The following LFNG variants were observed in gnomAD, a reference collection of about 807,000 sequenced individuals.
LFNG encodes the protein beta-1,3-N-acetylglucosaminyltransferase lunatic fringe.
In LFNG, 15 loss-of-function variants were observed where a neutral mutation model predicts 32.7. The ratio of observed to expected loss-of-function variants is 0.46; its 90% confidence interval spans 0.31 to 0.71. The LOEUF is 0.71. Among genes scored for constraint, LFNG ranks in the 30% least tolerant of loss-of-function variants. LFNG has a pLI of 0.06. For synonymous variants in LFNG, 274 were observed against 246.8 expected, an observed-to-expected ratio of 1.11 and a Z score of -1.03; for missense variants, 520 against 545.7, an observed-to-expected ratio of 0.95 and a Z score of 0.47.
chr7:2,520,489 T>C lies in LFNG; in HGVS notation c.432+196T>C, dbSNP rs1308729505. ...CTCTCCCGTTACAGTTGTGTTACTG[T>C]CCCCGGGGCCCCGCCTCCTGTCCAG... On this transcript the variant is annotated intron_variant, in intron 1 of 7. Transcript: ENST00000222725. This position sits in a 1 kb window ranked among gnomAD's most constrained non-coding sequence, Gnocchi z 5.0. Among the ~76,000 whole-genome samples the C allele has an allele frequency of 6.6e-6, 1 of 152,148 alleles. No individual in the cohort carries two copies. Among genetic ancestry groups the C allele is most frequent in the African/African-American group, 2.4e-5 (1 of 41,444 alleles).
chr7:2,527,122 C>T lies in LFNG; in HGVS notation c.1074-24C>T. The T allele has an allele frequency of 6.2e-7, 1 of 1,606,318 alleles. No individual in the cohort carries two copies. The highest frequency in any genetic ancestry group is 2.2e-5 in the East Asian group (1 of 44,846). The stretch of plus-strand genomic sequence containing the variant: ...AGCACCTGCCTGCCACCCACGCAGA[C>T]CAGCCCCTGCTCTGTTCCCACAGGT... On this transcript the variant is annotated intron_variant, in intron 7 of 7. Transcript: ENST00000222725. This position sits in a 1 kb window ranked among gnomAD's most constrained non-coding sequence, Gnocchi z 4.4.
upstream of LFNG, among the ~76,000 whole-genome samples, chr7:2,516,134 G>A (rs1779621800): frequency 6.6e-6 from 1 of 152,232 alleles, no homozygotes; most frequent in Admixed American, 6.5e-5. Flanking sequence ...TCTGTGTCAG[G>A]AGAGGACAGG....
upstream of LFNG, among the ~76,000 whole-genome samples, chr7:2,513,862 T>C (rs1433757948): frequency 6.6e-6 from 1 of 152,234 alleles, no homozygotes; most frequent in Non-Finnish European, 1.5e-5. Context: ...ATGGCCCAGC[T>C]GGCCTCAGAC....
chr7:2,526,275 A>G lies in LFNG; in HGVS notation c.853A>G (p.Ile285Val). The stretch of plus-strand genomic sequence containing the variant: ...TCACTTCATGAATACGGCTGAGCGG[A>G]TCCGGCTGCCTGATGACTGCACCAT... ...GGHFMNTAER[I>V]RLPDDCTIGY... The change falls in exon 6 of 8, where the codon ATC becomes GTC. Residue 285 changes from isoleucine (I) to valine (V), a missense_variant. Around this residue, in one of 3 missense-constraint regions of LFNG, gnomAD observed 150 missense variants for 159.9 expected, o/e 0.94. Transcript: ENST00000222725. The surrounding 1 kb of genome is among the most constrained non-coding windows in gnomAD (Gnocchi z 6.9). 6.2e-7 allele frequency: 1 copy of G among 1,612,916 alleles called. No individual in the cohort carries two copies. The highest frequency in any genetic ancestry group is 1.7e-4 in the Middle Eastern group (1 of 6,060).
At chr7:2,515,455 G>A (rs1423496939), upstream of LFNG, among the ~76,000 whole-genome samples, 1 of 152,170 alleles carries the variant, frequency 6.6e-6, no homozygotes, top group Non-Finnish European at 1.5e-5. Context: ...GGATGGGGAG[G>A]ACGTTCTAGG....
chr7:2,516,441 C>T (rs1294165707), upstream of LFNG, among the ~76,000 whole-genome samples: 1 of 152,232 alleles, frequency 6.6e-6, no homozygotes, highest in Admixed American at 6.5e-5. Flanking sequence ...CAGCCCCGAG[C>T]CCTTCCCCTC....
chr7:2,524,115 C>T (rs1039974870), intron 1 of LFNG, among the ~76,000 whole-genome samples: 12 of 152,228 alleles, frequency 7.9e-5, no homozygotes, highest in Admixed American at 4.6e-4. Flanking sequence ...ACAAAGCTGG[C>T]GGACAATGCC....
At chr7:2,522,189 C>T (rs1013363137) in intron 1 of LFNG, among the ~76,000 whole-genome samples, 16 of 152,174 alleles carry the variant, frequency 1.1e-4, no homozygotes, top group African/African-American at 3.6e-4. Flanking sequence ...ATCTGACCCA[C>T]ATGCTGGGGG....
Position 2,526,596 on chromosome 7 carries a change from GTCTCT to G in LFNG, c.987+195_987+199del, listed in dbSNP as rs144583095. Among the ~76,000 whole-genome samples the G allele has an allele frequency of 7.0e-4, 107 of 152,236 alleles. No homozygotes were observed. The highest frequency in any genetic ancestry group is 2.5e-3 in the African/African-American group (103 of 41,522). On this transcript the variant is annotated intron_variant, in intron 6 of 7. Coordinates refer to ENST00000222725, the MANE Select transcript of LFNG (RefSeq NM_001040167.2). This position sits in a 1 kb window ranked among gnomAD's most constrained non-coding sequence, Gnocchi z 6.9. ...GTTTATGGCGGGTTGTTTTCCTGCCGTCTCTTCTCTTCACTGTGATGCGCCTACTG... is the reference window on the plus strand; with the variant it reads ...GTTTATGGCGGGTTGTTTTCCTGCCGTCTCTTCACTGTGATGCGCCTACTG...
At chr7:2,512,653 G>A (rs1779522247) in exon 1 of LFNG, 1 of 1,613,758 alleles carries the variant, frequency 6.2e-7, no homozygotes, top group East Asian at 2.2e-5. Context: ...AAGCTCAGAG[G>A]GATGGATGAA....
At chr7:2,513,087 C>T (rs1779530212), upstream of LFNG, 5 of 1,504,948 alleles carry the variant, frequency 3.3e-6, no homozygotes, top group Admixed American at 6.8e-5. Context: ...CTCGTCTGGG[C>T]CCTGGGCACC....
Position 2,519,819 on chromosome 7 carries a change from C to G in LFNG, c.-43C>G, listed in dbSNP as rs1220466975. The G allele has an allele frequency of 6.7e-6, 7 of 1,048,952 alleles. 1 individual carries two copies. The highest frequency in any genetic ancestry group is 5.1e-5 in the African/African-American group (3 of 58,292). 65.0% of individuals were successfully genotyped at this position (1,048,952 alleles called of 1,614,324 possible). On this transcript the variant is annotated 5_prime_UTR_variant, in exon 1 of 8. Coordinates refer to ENST00000222725, the MANE Select transcript of LFNG (RefSeq NM_001040167.2). ...CGACGGGCTTCGGGTCGGTGCAAGG[C>G]AGGCGCACGGGGAAGGGCGCGCCGC...
intron 2 of LFNG, 148 bp downstream of exon 2, chr7:2,524,891 C>T (rs901219973): frequency 1.3e-5 from 10 of 742,194 alleles, no homozygotes; most frequent in South Asian, 3.4e-5. Flanking sequence ...CTCCATGCCC[C>T]GCCCCACCAC....
chr7:2,512,681 G>A, exon 1 of LFNG: 1 of 1,613,786 alleles, frequency 6.2e-7, no homozygotes, highest in East Asian at 2.2e-5. Context: ...GAAGGCTCAG[G>A]CTGGACACGT....
upstream of LFNG, among the ~76,000 whole-genome samples, chr7:2,515,842 C>T (rs1779615284): frequency 6.6e-6 from 1 of 152,226 alleles, no homozygotes; most frequent in South Asian, 2.1e-4. Context: ...CTGGAGTCTG[C>T]TAGTCTCAGG....
chr7:2,529,034 C>T (rs953463129), downstream of LFNG: 11 of 428,952 alleles, frequency 2.6e-5, no homozygotes, highest in Middle Eastern at 5.2e-4. This position sits in a 1 kb window ranked among gnomAD's most constrained non-coding sequence, Gnocchi z 4.2. Context: ...CCCCAGGCCC[C>T]GACCCCGCTC....
Position 2,527,346 on chromosome 7 carries a change from G to T in LFNG, c.*134G>T, listed in dbSNP as rs1780024332. Reference sequence around the variant, plus strand: ...TGTGCGTGTGCGTGTGCGTGTGTGTGTGTGTGTACTGCATGCCCACCCGGG... The same window carrying T: ...TGTGCGTGTGCGTGTGCGTGTGTGTTTGTGTGTACTGCATGCCCACCCGGG... On this transcript the variant is annotated 3_prime_UTR_variant, in exon 8 of 8. Transcript: ENST00000222725. The surrounding 1 kb of genome is among the most constrained non-coding windows in gnomAD (Gnocchi z 4.4). The T allele has an allele frequency of 4.6e-6, 7 of 1,526,438 alleles. No homozygotes were observed. Among genetic ancestry groups the T allele is most frequent in the Non-Finnish European group, 6.1e-6 (7 of 1,141,694 alleles). 94.6% of individuals were successfully genotyped at this position (1,526,438 alleles called of 1,614,324 possible).
chr7:2,527,235 C>T lies in LFNG; in HGVS notation c.*23C>T. 6.2e-7 allele frequency: 1 copy of T among 1,610,372 alleles called. No homozygotes were observed. Among genetic ancestry groups the T allele is most frequent in the Non-Finnish European group, 8.5e-7 (1 of 1,179,636 alleles). On this transcript the variant is annotated 3_prime_UTR_variant, in exon 8 of 8. Transcript: ENST00000222725. This position sits in a 1 kb window ranked among gnomAD's most constrained non-coding sequence, Gnocchi z 4.4. ...TAGTGGCCATGGCTGAGACCCAATC[C>T]CTGGGCGCCCCTGGTATCCAAAGGG...
At chr7:2,528,461 G>A, downstream of LFNG, 1 of 992,982 alleles carries the variant, frequency 1.0e-6, no homozygotes, top group South Asian at 4.5e-5. Context: ...CTGGAGGTGG[G>A]GCCTAAGCCC....
Sources: gnomAD v4.1 joint callset for allele counts (sites outside exome capture counted in the v4.1 genomes callset) on GRCh38, gnomAD v4.1.1 for gene constraint, gnomAD v4.1.1 regional missense constraint, Gnocchi (gnomAD v3.1) non-coding constraint, MANE v1.5 for transcripts, NCBI Gene and HGNC (gene_info 2026-07-23, HGNC 2026-07-21) for gene names.